FBXL17: variants seen among roughly 807,000 people sequenced by gnomAD.
The protein encoded by FBXL17 is F-box and leucine rich repeat protein 17.
In FBXL17, 22 loss-of-function variants were observed where a neutral mutation model predicts 66.2. The ratio of observed to expected loss-of-function variants is 0.33; its 90% confidence interval spans 0.24 to 0.47. The LOEUF is 0.47. Ranked by LOEUF, FBXL17 falls within the 20% of genes least tolerant of loss-of-function variation. The probability of loss-of-function intolerance (pLI) is 1.00; values close to 1 mark genes in which losing one functional copy is unlikely to be tolerated. For synonymous variants in FBXL17, 474 were observed against 400.5 expected, an observed-to-expected ratio of 1.18 and a Z score of -2.19; for missense variants, 878 against 948.2, an observed-to-expected ratio of 0.93 and a Z score of 0.97.
intron 6 of FBXL17, among the ~76,000 whole-genome samples, chr5:108,086,257 C>T (rs1008312632): frequency 1.3e-5 from 2 of 152,088 alleles, no homozygotes; most frequent in South Asian, 2.1e-4. Context: ...CCAGAGAAGT[C>T]CTGCCCCATA....
At chr5:108,146,468 C>G (rs1751566092) in intron 6 of FBXL17, among the ~76,000 whole-genome samples, 1 of 152,152 alleles carries the variant, frequency 6.6e-6, no homozygotes, top group Non-Finnish European at 1.5e-5. Flanking sequence ...AATGCCATAT[C>G]CTCTTCCCCC....
chr5:108,332,606 T>C (rs2150240343), intron 4 of FBXL17, among the ~76,000 whole-genome samples: 1 of 152,168 alleles, frequency 6.6e-6, no homozygotes, highest in East Asian at 1.9e-4. Flanking sequence ...TTTTGTTTTT[T>C]GTTGTTGTTG....
intron 3 of FBXL17, among the ~76,000 whole-genome samples, chr5:108,351,577 T>C (rs1747659586): frequency 6.6e-6 from 1 of 152,334 alleles, no homozygotes; most frequent in South Asian, 2.1e-4. Flanking sequence ...GCCTAGTCAA[T>C]GACTAGTCAG....
chr5:108,193,351 G>T (rs574696940), intron 5 of FBXL17, among the ~76,000 whole-genome samples: 2 of 152,226 alleles, frequency 1.3e-5, no homozygotes, highest in African/African-American at 2.4e-5. Flanking sequence ...ATTAAAGACA[G>T]GGAGAGTGAC....
intron 5 of FBXL17, among the ~76,000 whole-genome samples, chr5:108,209,831 A>G (rs1754289223): frequency 6.6e-6 from 1 of 152,170 alleles, no homozygotes; most frequent in African/African-American, 2.4e-5. Flanking sequence ...ACATAAAATG[A>G]GTTAAGGAGG....
At position 107,879,252 on chromosome 5, in the gene FBXL17, A is replaced by C. The variant is rs77248417; in HGVS notation, c.1965+1785T>G. On this transcript the variant is annotated intron_variant, in intron 8 of 8. Transcript: ENST00000542267. ...CGGACACATATGTATGAATGTGTAC[A>C]TTTTGGTAGCTTTAGTTAGCATTCA... The C allele has an allele frequency of 4.8e-5, 47 of 985,450 alleles. No individual in the cohort carries two copies. In the East Asian group the frequency reaches 5.0e-3, roughly 105 times the overall value. The allele number at this position is 985,450 out of a possible 1,614,324, so 61.0% of individuals were successfully genotyped here.
At chr5:108,223,862 C>A (rs1249470801) in intron 5 of FBXL17, among the ~76,000 whole-genome samples, 1 of 152,010 alleles carries the variant, frequency 6.6e-6, no homozygotes, top group Non-Finnish European at 1.5e-5. Flanking sequence ...TTAAATGATT[C>A]TTTTCATATA....
intron 3 of FBXL17, among the ~76,000 whole-genome samples, chr5:108,352,309 A>G (rs1430068875): frequency 1.3e-5 from 2 of 152,224 alleles, no homozygotes; most frequent in Non-Finnish European, 2.9e-5. Context: ...AAGCACTGTA[A>G]AGTCAATCAT....
In FBXL17 at chr5:108,381,580, G is replaced by C; in HGVS notation, c.112C>G (p.Pro38Ala). 2 of 1,451,032 alleles carry C rather than the reference G, an allele frequency of 1.4e-6. No homozygotes were observed. The highest frequency in any genetic ancestry group is 1.8e-6 in the Non-Finnish European group (2 of 1,109,136). 89.9% of individuals were successfully genotyped at this position (1,451,032 alleles called of 1,614,324 possible). Residue 38 changes from proline (P) to alanine (A), a missense_variant, in exon 1 of 9, where the codon CCA becomes GCA. Physicochemically the swap from Pro to Ala is conservative, Grantham distance 27 (BLOSUM62 -1). Transcript: ENST00000542267. The stretch of plus-strand genomic sequence containing the variant: ...GCCGGCTGAGGGGGCACCTTGGCTG[G>C]GGTCCGGCGGGGCAGCCTGAGGAGA... The part of the protein sequence containing the change: ...RPLLRLPRRT[P>A]AKVPPQPAAP...
chr5:108,088,297 TC>T (rs1480175067), intron 6 of FBXL17, among the ~76,000 whole-genome samples: 1 of 152,224 alleles, frequency 6.6e-6, no homozygotes, highest in African/African-American at 2.4e-5. Flanking sequence ...CCAAAGACAT[TC>T]AATTCACAAA....
At chr5:108,353,070 ATCAT>A (rs1747751008) in intron 3 of FBXL17, among the ~76,000 whole-genome samples, 1 of 152,226 alleles carries the variant, frequency 6.6e-6, no homozygotes, top group African/African-American at 2.4e-5. Context: ...GACAAGGATG[ATCAT>A]TCAGTAACTG....
At chr5:108,007,079 A>T (rs1753955530) in intron 7 of FBXL17, among the ~76,000 whole-genome samples, 1 of 152,234 alleles carries the variant, frequency 6.6e-6, no homozygotes, top group Admixed American at 6.5e-5. Flanking sequence ...GGTTAAAATT[A>T]CTGTTGACAA....
chr5:108,136,549 C>G (rs1008566062), intron 6 of FBXL17, among the ~76,000 whole-genome samples: 1 of 152,168 alleles, frequency 6.6e-6, no homozygotes, highest in African/African-American at 2.4e-5. Context: ...AAAGAAATAG[C>G]TGAATAGCTT....
chr5:108,348,663 G>A, intron 3 of FBXL17, 133 bp from the exon 4 acceptor site: 1 of 913,846 alleles, frequency 1.1e-6, no homozygotes, highest in Non-Finnish European at 1.6e-6. Flanking sequence ...AAATAAGATA[G>A]AATGTAAGCA....
intron 7 of FBXL17, among the ~76,000 whole-genome samples, chr5:107,958,803 A>ATGGTCACACT (rs1751770796): frequency 1.3e-5 from 2 of 152,218 alleles, no homozygotes; most frequent in African/African-American, 2.4e-5. Context: ...GAAATATCTA[A>ATGGTCACACT]GTTAAAAGAA....
At chr5:108,016,980 T>C (rs1052404634) in intron 7 of FBXL17, among the ~76,000 whole-genome samples, 17 of 152,198 alleles carry the variant, frequency 1.1e-4, no homozygotes, top group South Asian at 4.2e-4. Flanking sequence ...GGTTTTACCA[T>C]GTTGGTCAGG....
chr5:108,040,182 G>A (rs1466821526), intron 6 of FBXL17, among the ~76,000 whole-genome samples: 1 of 152,002 alleles, frequency 6.6e-6, no homozygotes, highest in Admixed American at 6.6e-5. Flanking sequence ...TCACTAACAC[G>A]AGCCTCTAAT....
At chr5:108,251,007 ATT>A (rs201307952) in intron 4 of FBXL17, among the ~76,000 whole-genome samples, 2,383 of 146,868 alleles carry the variant, frequency 0.016, 58 homozygotes, top group African/African-American at 0.055. Context: ...GTTATTGCCT[ATT>A]TTTGTTATTT....
At chr5:108,150,602 T>G (rs1162818291) in intron 6 of FBXL17, among the ~76,000 whole-genome samples, 1 of 152,216 alleles carries the variant, frequency 6.6e-6, no homozygotes, top group Non-Finnish European at 1.5e-5. Flanking sequence ...TGCTCTTGTG[T>G]TTCATCACAA....
Sources: allele counts gnomAD v4.1 joint callset (sites outside exome capture counted in the v4.1 genomes callset), GRCh38; gene constraint gnomAD v4.1.1; transcripts MANE v1.5; gene names NCBI Gene and HGNC (gene_info 2026-07-23, HGNC 2026-07-21).